ARHGAP15: variants seen among roughly 807,000 people sequenced by gnomAD.
ARHGAP15 encodes the protein rho GTPase-activating protein 15.
ARHGAP15 carries 51 observed loss-of-function variants against 63.7 expected under a neutral mutation model. That is an observed-to-expected ratio of 0.80 (90% confidence interval 0.64 to 1.01). The LOEUF is 1.01. Among genes scored for constraint, ARHGAP15 ranks in the 50% least tolerant of loss-of-function variants. The pLI, the probability that ARHGAP15 is intolerant of heterozygous loss-of-function variation, is 0.00. For synonymous variants in ARHGAP15, 191 were observed against 193.8 expected (o/e 0.99, Z 0.12); for missense variants, 560 against 564.6 (o/e 0.99, Z 0.08).
At chr2:143,265,661 G>A (rs138320078) in intron 6 of ARHGAP15, among the ~76,000 whole-genome samples, 340 of 152,156 alleles carry the variant, frequency 2.2e-3, no homozygotes, top group African/African-American at 7.6e-3. Context: ...GAGAGTTTTC[G>A]TAGGATATTC....
chr2:143,263,989 A>G (rs1680871796), intron 6 of ARHGAP15, among the ~76,000 whole-genome samples: 1 of 115,774 alleles, frequency 8.6e-6, no homozygotes, highest in South Asian at 3.1e-4. Flanking sequence ...ATCAGGCTTG[A>G]GGTTTTTTTT....
At chr2:143,740,639 C>T (rs760404590) in intron 13 of ARHGAP15, among the ~76,000 whole-genome samples, 25 of 152,276 alleles carry the variant, frequency 1.6e-4, no homozygotes, top group Admixed American at 5.2e-4. Context: ...CAACGAGATC[C>T]GCCAGGTCTG....
chr2:143,270,125 C>T (rs1558856770), intron 6 of ARHGAP15, among the ~76,000 whole-genome samples: 1 of 152,004 alleles, frequency 6.6e-6, no homozygotes, highest in Non-Finnish European at 1.5e-5. Context: ...GGCACGCACC[C>T]CCACGCCTGG....
At chr2:143,129,803 CAACT>C (rs932427735) in intron 1 of ARHGAP15, among the ~76,000 whole-genome samples, 3 of 151,946 alleles carry the variant, frequency 2.0e-5, no homozygotes, top group Admixed American at 6.6e-5. Context: ...CACCTTTAAC[CAACT>C]GTTTTATAAA....
chr2:143,471,030 T>C (rs1340781967), intron 8 of ARHGAP15, among the ~76,000 whole-genome samples: 5 of 149,228 alleles, frequency 3.4e-5, no homozygotes, highest in Non-Finnish European at 7.4e-5. Context: ...AATATGTGTG[T>C]ATATATGCAC....
At chr2:143,766,366 A>G (rs1409766209) in intron 13 of ARHGAP15, among the ~76,000 whole-genome samples, 2 of 152,184 alleles carry the variant, frequency 1.3e-5, no homozygotes, top group African/African-American at 4.8e-5. Context: ...GCCATTATTC[A>G]GAGAGTAGCC....
chr2:143,669,414 G>A lies in ARHGAP15; in HGVS notation c.1139-34005G>A, dbSNP rs1682403095. On this transcript the variant is annotated intron_variant, in intron 12 of 13. Coordinates refer to ENST00000295095, the MANE Select transcript of ARHGAP15 (RefSeq NM_018460.4). Reference sequence around the variant, plus strand: ...AGGAAAGCACAAACTTAGATCTAATGCCTAGAACAGTGCCTAGAGTACAGC... The same window carrying A: ...AGGAAAGCACAAACTTAGATCTAATACCTAGAACAGTGCCTAGAGTACAGC... Among the ~76,000 whole-genome samples, 5 of 152,150 alleles carry A rather than the reference G, an allele frequency of 3.3e-5. No individual in the cohort carries two copies. The South Asian group carries it at 1.0e-3, about 32-fold the overall frequency.
intron 10 of ARHGAP15, among the ~76,000 whole-genome samples, chr2:143,535,855 A>C (rs1324635540): frequency 6.6e-6 from 1 of 152,250 alleles, no homozygotes; most frequent in Non-Finnish European, 1.5e-5. Context: ...TTAGAAAGTC[A>C]CATATATGGA....
intron 12 of ARHGAP15, among the ~76,000 whole-genome samples, chr2:143,625,781 T>A (rs1209475385): frequency 6.6e-6 from 1 of 152,206 alleles, no homozygotes. Context: ...GGATGCCTAT[T>A]TCTGATTGTG....
chr2:143,686,383 CAAAAAAAAAAAAAAA>C (rs35554349), intron 12 of ARHGAP15, among the ~76,000 whole-genome samples: 28 of 55,076 alleles, frequency 5.1e-4, no homozygotes, highest in Non-Finnish European at 7.7e-4. Context: ...GACTCTGTCT[CAAAAAAAAAAAAAAA>C]AAAAAAAAAA....
chr2:143,412,373 A>ATAAG (rs1688484848), intron 6 of ARHGAP15, among the ~76,000 whole-genome samples: 2 of 2,140 alleles, frequency 9.3e-4, no homozygotes, highest in Admixed American at 0.022. Context: ...AAATGTATTG[A>ATAAG]TATATATAAT....
At chr2:143,328,565 C>T (rs1412403337) in intron 6 of ARHGAP15, among the ~76,000 whole-genome samples, 1 of 152,026 alleles carries the variant, frequency 6.6e-6, no homozygotes, top group South Asian at 2.1e-4. Flanking sequence ...AGGGGAACAT[C>T]ACACACCAGA....
chr2:143,176,599 C>G (rs756501823), intron 2 of ARHGAP15, among the ~76,000 whole-genome samples: 2 of 152,042 alleles, frequency 1.3e-5, no homozygotes, highest in Non-Finnish European at 2.9e-5. Flanking sequence ...ATGTACTGCT[C>G]AGGTCTTTTT....
chr2:143,633,854 C>A (rs1323250286), intron 12 of ARHGAP15, among the ~76,000 whole-genome samples: 1 of 152,078 alleles, frequency 6.6e-6, no homozygotes, highest in African/African-American at 2.4e-5. Context: ...ATTTCTTATG[C>A]TTTGCTTGAC....
intron 2 of ARHGAP15, among the ~76,000 whole-genome samples, chr2:143,180,667 TC>T (rs891576047): frequency 3.3e-5 from 5 of 152,098 alleles, no homozygotes; most frequent in African/African-American, 4.8e-5. Flanking sequence ...TAAATATATT[TC>T]TTTTTTTTAT....
intron 2 of ARHGAP15, among the ~76,000 whole-genome samples, chr2:143,176,319 T>C (rs1301929273): frequency 1.3e-5 from 2 of 152,158 alleles, no homozygotes; most frequent in East Asian, 3.9e-4. Flanking sequence ...TCAAAAACAA[T>C]TGAGAAAAGT....
chr2:143,297,059 GA>G (rs896126503), intron 6 of ARHGAP15, among the ~76,000 whole-genome samples: 3 of 151,840 alleles, frequency 2.0e-5, no homozygotes, highest in Admixed American at 6.6e-5. Context: ...GAAGCAGAAA[GA>G]AAAAAGGTAC....
intron 13 of ARHGAP15, among the ~76,000 whole-genome samples, chr2:143,764,349 G>A (rs1009698135): frequency 6.6e-6 from 1 of 152,074 alleles, no homozygotes; most frequent in Admixed American, 6.6e-5. Context: ...ACTCAGACAC[G>A]CAGCTCTAGC....
intron 1 of ARHGAP15, among the ~76,000 whole-genome samples, chr2:143,134,139 CTATCTATCTATCTACCTAT>C (rs1558765459): frequency 1.3e-3 from 49 of 36,972 alleles, no homozygotes; most frequent in Admixed American, 5.9e-3. Context: ...ATCTATCTAT[CTATCTATCTATCTACCTAT>C]CTATCTATCA....
Sources: gnomAD v4.1 joint callset for allele counts (sites outside exome capture counted in the v4.1 genomes callset) on GRCh38, gnomAD v4.1.1 for gene constraint, MANE v1.5 for transcripts, NCBI Gene and HGNC (gene_info 2026-07-23, HGNC 2026-07-21) for gene names.